The following CRISPLD2 variants were observed in gnomAD, a reference collection of about 807,000 sequenced individuals.
The protein encoded by CRISPLD2 is cysteine rich secretory protein LCCL domain containing 2, also known as cysteine-rich secretory protein LCCL domain-containing 2.
In CRISPLD2, 47 loss-of-function variants were observed where a neutral mutation model predicts 71.1. The observed-to-expected ratio is 0.66, with a 90% CI of 0.52 to 0.84. The LOEUF (loss-of-function observed/expected upper bound fraction) is 0.84, where lower values mean the gene tolerates loss of function less well. Among genes scored for constraint, CRISPLD2 ranks in the 40% least tolerant of loss-of-function variants. The pLI is 0.00. For synonymous variants in CRISPLD2, 317 were observed against 250.1 expected (o/e 1.27, Z -2.52); for missense variants, 830 against 651.1 (o/e 1.27, Z -2.99).
rs755611173 is a variant in CRISPLD2, at chr16:84,867,458, G to A, written c.853+418G>A. The stretch of plus-strand genomic sequence containing the variant: ...TGGACTCAGTTGGCGCATCCATGAA[G>A]TAGGGGATAGAGATGCCACATCAAG... On this transcript the variant is annotated intron_variant, in intron 7 of 14. Transcript: ENST00000262424. Among the ~76,000 whole-genome samples, 4 of 152,226 alleles carry A rather than the reference G, an allele frequency of 2.6e-5. No homozygotes were observed. In the East Asian group the frequency reaches 7.7e-4, roughly 29 times the overall value.
intron 13 of CRISPLD2, among the ~76,000 whole-genome samples, chr16:84,888,677 T>C (rs1340039601): frequency 6.6e-6 from 1 of 152,238 alleles, no homozygotes; most frequent in Admixed American, 6.5e-5. Flanking sequence ...TGTCTGTTTC[T>C]TGGATATGAT....
intron 6 of CRISPLD2, 140 bp from the exon 7 acceptor site, chr16:84,866,757 C>G (rs1205105805): frequency 3.7e-6 from 3 of 804,326 alleles, no homozygotes; most frequent in African/African-American, 1.7e-5. Flanking sequence ...TGAAATGTAA[C>G]TTTCTCTTTG....
chr16:84,833,332 G>C (rs112854201), intron 1 of CRISPLD2, among the ~76,000 whole-genome samples: 99 of 152,316 alleles, frequency 6.5e-4, no homozygotes, highest in African/African-American at 2.3e-3. Flanking sequence ...TCTCGGAGCC[G>C]TTATCTTACT....
At chr16:84,842,235 TC>T (rs1163677826) in intron 2 of CRISPLD2, 1 of 151,834 alleles carries the variant, frequency 6.6e-6, no homozygotes, top group Admixed American at 6.6e-5. Flanking sequence ...GTCACTGCGT[TC>T]CCTCGTGCCA....
At chr16:84,868,969 C>G (rs1309990612) in intron 8 of CRISPLD2, 58 bp downstream of exon 8, 1 of 1,461,596 alleles carries the variant, frequency 6.8e-7, no homozygotes, top group Non-Finnish European at 9.3e-7. Flanking sequence ...CTGGGCTGTC[C>G]TACCACTGTG....
chr16:84,895,823 G>A (rs1042227644), intron 14 of CRISPLD2, among the ~76,000 whole-genome samples: 2 of 152,110 alleles, frequency 1.3e-5, no homozygotes, highest in Non-Finnish European at 1.5e-5. Context: ...TCTGGCCCAG[G>A]TACCTCCCTG....
chr16:84,832,941 C>T (rs942671221), intron 1 of CRISPLD2, among the ~76,000 whole-genome samples: 10 of 152,144 alleles, frequency 6.6e-5, no homozygotes, highest in African/African-American at 1.9e-4. Context: ...TTGGTGATCC[C>T]CTAAATGTCC....
intron 14 of CRISPLD2, among the ~76,000 whole-genome samples, chr16:84,902,772 CT>C (rs757030374): frequency 1.4e-3 from 121 of 85,948 alleles, no homozygotes; most frequent in Non-Finnish European, 2.0e-3. Context: ...CGGCCCATTG[CT>C]TTTTTTTTTT....
chr16:84,859,144 C>T (rs753356353), intron 6 of CRISPLD2, among the ~76,000 whole-genome samples: 14 of 152,172 alleles, frequency 9.2e-5, no homozygotes, highest in African/African-American at 2.9e-4. Flanking sequence ...ACCATAATAG[C>T]CCTCCCTTAC....
At position 84,875,643 on chromosome 16, in the gene CRISPLD2, T is replaced by A. The variant is rs374768230; in HGVS notation, c.1156+1680T>A. Among the ~76,000 whole-genome samples the A allele has an allele frequency of 7.1e-3, 1,084 of 151,628 alleles. 22 individuals are homozygous for A. The highest frequency in any genetic ancestry group is 0.025 in the African/African-American group (1,045 of 41,348). On this transcript the variant is annotated intron_variant, in intron 11 of 14. Transcript: ENST00000262424. The stretch of plus-strand genomic sequence containing the variant: ...GCAATTTCAGCTCACTGCAACCTCC[T>A]CCTCATGGGTTCAAGTGATTCTCCT...
At chr16:84,870,720 C>T (rs1597469407) in intron 8 of CRISPLD2, among the ~76,000 whole-genome samples, 1 of 152,196 alleles carries the variant, frequency 6.6e-6, no homozygotes, top group Admixed American at 6.5e-5. Flanking sequence ...ATGTGTTTAG[C>T]CATTGCTTTG....
chr16:84,847,698 G>A (rs1442612838), intron 3 of CRISPLD2, among the ~76,000 whole-genome samples: 22 of 151,998 alleles, frequency 1.4e-4, no homozygotes. Flanking sequence ...AGTGTCTAAA[G>A]CAGGGAGATC....
intron 2 of CRISPLD2, among the ~76,000 whole-genome samples, chr16:84,845,142 C>T (rs542046171): frequency 2.0e-5 from 3 of 152,186 alleles, no homozygotes; most frequent in East Asian, 1.9e-4. Context: ...GGGTTCAGAT[C>T]CTGGTTCTGT....
chr16:84,877,246 C>T (rs571713723), intron 11 of CRISPLD2, among the ~76,000 whole-genome samples, 192 bp from the exon 12 acceptor site: 23 of 152,254 alleles, frequency 1.5e-4, no homozygotes, highest in Middle Eastern at 3.4e-3. Context: ...ACATGCAGGC[C>T]GTGGGTTTGG....
intron 3 of CRISPLD2, among the ~76,000 whole-genome samples, chr16:84,847,040 C>T (rs1050917188): frequency 3.9e-5 from 6 of 152,340 alleles, no homozygotes; most frequent in South Asian, 4.1e-4. Flanking sequence ...AACCTGTGAC[C>T]GTGCCATGCC....
At chr16:84,834,005 G>A (rs1410197002) in intron 1 of CRISPLD2, among the ~76,000 whole-genome samples, 1 of 152,206 alleles carries the variant, frequency 6.6e-6, no homozygotes, top group Non-Finnish European at 1.5e-5. Flanking sequence ...AGCCCACTCC[G>A]TGGGAGGCAG....
chr16:84,903,261 A>G (rs1349591508), intron 14 of CRISPLD2, among the ~76,000 whole-genome samples: 1 of 151,902 alleles, frequency 6.6e-6, no homozygotes, highest in Admixed American at 6.6e-5. Flanking sequence ...CCAAGAACCC[A>G]GGTACCCCCA....
intron 14 of CRISPLD2, among the ~76,000 whole-genome samples, chr16:84,903,273 C>T (rs747315319): frequency 1.3e-5 from 2 of 152,062 alleles, no homozygotes; most frequent in Non-Finnish European, 1.5e-5. Flanking sequence ...GTACCCCCAA[C>T]ATCGGCACTG....
chr16:84,860,570 C>G (rs1051957208), intron 6 of CRISPLD2, among the ~76,000 whole-genome samples: 1 of 152,132 alleles, frequency 6.6e-6, no homozygotes, highest in African/African-American at 2.4e-5. Flanking sequence ...TCCCCTCAGA[C>G]AAAGGTGGAA....
Sources: gnomAD v4.1 joint callset for allele counts (sites outside exome capture counted in the v4.1 genomes callset) on GRCh38, gnomAD v4.1.1 for gene constraint, MANE v1.5 for transcripts, NCBI Gene and HGNC (gene_info 2026-07-23, HGNC 2026-07-21) for gene names.